The following PCDH15 variants were observed in gnomAD, a reference collection of about 807,000 sequenced individuals.
PCDH15 encodes the protein protocadherin related 15.
Under a neutral mutation model 178.5 loss-of-function variants are expected in PCDH15, and 129 were observed. That is an observed-to-expected ratio of 0.72 (90% CI 0.63 to 0.84). The LOEUF is 0.84. PCDH15 is among the 40% of genes least tolerant of loss of function. The pLI, the probability that PCDH15 is intolerant of heterozygous loss-of-function variation, is 0.00. For synonymous variants in PCDH15, 800 were observed against 732.0 expected (o/e 1.09, Z -1.50); for missense variants, 2,230 against 2,099.9 (o/e 1.06, Z -1.21).
intron 2 of PCDH15, among the ~76,000 whole-genome samples, chr10:55,502,657 C>T (rs1403773633): frequency 3.3e-5 from 5 of 151,556 alleles, no homozygotes; most frequent in African/African-American, 1.2e-4. Context: ...GAAATAATGC[C>T]TGGACTCTAT....
chr10:53,891,205 C>T (rs1011195095), intron 26 of PCDH15, among the ~76,000 whole-genome samples: 6 of 152,096 alleles, frequency 3.9e-5, no homozygotes, highest in Admixed American at 3.3e-4. Flanking sequence ...TTTTTATTTG[C>T]CCAATTTATC....
chr10:55,379,091 G>A (rs190476400), intron 2 of PCDH15, among the ~76,000 whole-genome samples: 1 of 151,314 alleles, frequency 6.6e-6, no homozygotes, highest in South Asian at 2.1e-4. Flanking sequence ...ACATCAGAAT[G>A]CCAGGCACAT....
At chr10:54,145,962 A>G (rs960214433) in intron 14 of PCDH15, among the ~76,000 whole-genome samples, 1 of 151,930 alleles carries the variant, frequency 6.6e-6, no homozygotes. Context: ...CCCAGGTAAA[A>G]CTGCACTTGT....
intron 1 of PCDH15, among the ~76,000 whole-genome samples, chr10:55,296,533 G>A (rs560753519): frequency 3.9e-5 from 6 of 152,228 alleles, no homozygotes; most frequent in Non-Finnish European, 7.4e-5. Context: ...AACCTGGGAC[G>A]AAGACCAAGT....
chr10:54,099,513 A>AAAAAAAAAT lies in PCDH15; in HGVS notation c.1918-9451_1918-9450insATTTTTTTT, dbSNP rs1347306483. 2.6e-3 allele frequency among the ~76,000 whole-genome samples: 311 copies of AAAAAAAAAT among 117,792 alleles called. 7 individuals carry two copies. The highest frequency in any genetic ancestry group is 0.01 in the African/African-American group (262 of 26,042). The allele number at this position is 117,792 out of a possible 152,430, so 77.3% of individuals were successfully genotyped here. A position where few individuals can be genotyped will look rare whatever the true frequency, so the allele number is the denominator to read the frequency against. On this transcript the variant is annotated intron_variant, in intron 15 of 37. Transcript: ENST00000644397. ...GACTCCATCTCAAAAAAAAAAAAAAAATATATATATATATATATAAAACAA... is the reference window on the plus strand; with the variant it reads ...GACTCCATCTCAAAAAAAAAAAAAAAAAAAAAAATATATATATATATATATATAAAACAA...
intron 2 of PCDH15, among the ~76,000 whole-genome samples, chr10:54,558,493 AAAT>A (rs1357351353): frequency 1.3e-5 from 2 of 152,086 alleles, no homozygotes; most frequent in Non-Finnish European, 2.9e-5. Context: ...TCCATACCTT[AAAT>A]GACTCAGTTT....
rs547096976 is a variant in PCDH15, at chr10:54,481,905, A to G, written c.157+45907T>C. Among the ~76,000 whole-genome samples the G allele has an allele frequency of 4.6e-5, 7 of 151,960 alleles. No individual in the cohort carries two copies. In the East Asian group the frequency reaches 1.4e-3, roughly 29 times the overall value. On this transcript the variant is annotated intron_variant, in intron 3 of 37. Coordinates refer to ENST00000644397, the MANE Select transcript of PCDH15 (RefSeq NM_001384140.1). ...CAATGTCCAAAGCAAGTCAGTCTGTATTGCATATATTCAGAGCTCCATCAA... is the reference window on the plus strand; with the variant it reads ...CAATGTCCAAAGCAAGTCAGTCTGTGTTGCATATATTCAGAGCTCCATCAA...
At chr10:53,809,809 C>G (rs10763008) in intron 37 of PCDH15, among the ~76,000 whole-genome samples, 2 of 151,444 alleles carry the variant, frequency 1.3e-5, no homozygotes, top group Admixed American at 1.3e-4. Flanking sequence ...TTTAATTTTC[C>G]TCTTAGATCA....
At chr10:53,825,185 A>AAAG (rs1186584339) in intron 32 of PCDH15, 2 of 1,517,634 alleles carry the variant, frequency 1.3e-6, no homozygotes, top group Non-Finnish European at 1.8e-6. Flanking sequence ...TGATAGAAAA[A>AAAG]AAGAAGTTTT....
At chr10:55,219,232 T>A (rs1391371546) in intron 1 of PCDH15, among the ~76,000 whole-genome samples, 1 of 151,956 alleles carries the variant, frequency 6.6e-6, no homozygotes, top group Non-Finnish European at 1.5e-5. Flanking sequence ...TCTCTATTTC[T>A]AACGTGGCTA....
intron 2 of PCDH15, among the ~76,000 whole-genome samples, chr10:55,396,771 A>G (rs1837939684): frequency 6.6e-6 from 1 of 152,310 alleles, no homozygotes; most frequent in Middle Eastern, 3.4e-3. Flanking sequence ...GTAAGTCAAA[A>G]TGGAGTATAG....
At chr10:53,867,895 C>T (rs187049419) in intron 26 of PCDH15, among the ~76,000 whole-genome samples, 5 of 152,020 alleles carry the variant, frequency 3.3e-5, no homozygotes, top group East Asian at 3.9e-4. Flanking sequence ...TCCTGTATCC[C>T]GATTAAACAT....
intron 2 of PCDH15, among the ~76,000 whole-genome samples, chr10:55,337,622 G>A (rs1006397404): frequency 1.3e-5 from 2 of 151,884 alleles, no homozygotes; most frequent in African/African-American, 2.4e-5. Flanking sequence ...CTTTGGATAG[G>A]GTAAAAAAAT....
In PCDH15 at chr10:54,585,016, T is replaced by G. The variant is rs190723296; in HGVS notation, c.92-57139A>C. Among the ~76,000 whole-genome samples the G allele has an allele frequency of 1.8e-3, 279 of 152,212 alleles. 1 individual carries two copies. The highest frequency in any genetic ancestry group is 6.6e-3 in the African/African-American group (274 of 41,554). On this transcript the variant is annotated intron_variant, in intron 2 of 37. Transcript: ENST00000644397. ...AGGTTTGCTTTCATTACATGAAAAT[T>G]TTACCAAATTGTACATATAAAGTCT...
chr10:53,850,025 C>T (rs115242177), intron 28 of PCDH15, among the ~76,000 whole-genome samples: 1,583 of 151,952 alleles, frequency 0.01, 38 homozygotes, highest in African/African-American at 0.036. Flanking sequence ...GATGATTAAT[C>T]CTTAAAGTAA....
chr10:55,365,205 C>A (rs1305125212), intron 2 of PCDH15, among the ~76,000 whole-genome samples: 1 of 152,098 alleles, frequency 6.6e-6, no homozygotes, highest in Non-Finnish European at 1.5e-5. Context: ...CCACCATGCA[C>A]CCCAGGGACA....
At chr10:54,224,519 T>A (rs1039130860) in intron 9 of PCDH15, among the ~76,000 whole-genome samples, 11 of 152,078 alleles carry the variant, frequency 7.2e-5, no homozygotes, top group Non-Finnish European at 1.6e-4. Flanking sequence ...AAGCTCTGGG[T>A]TTTATTTCTT....
intron 2 of PCDH15, among the ~76,000 whole-genome samples, chr10:54,972,394 G>C (rs1220251268): frequency 6.6e-6 from 1 of 151,856 alleles, no homozygotes; most frequent in Non-Finnish European, 1.5e-5. Context: ...ATGAAAATTA[G>C]CCAGGCATGG....
chr10:54,563,492 A>G (rs2088531793), intron 2 of PCDH15, among the ~76,000 whole-genome samples: 1 of 152,142 alleles, frequency 6.6e-6, no homozygotes, highest in Non-Finnish European at 1.5e-5. Flanking sequence ...AAATACATAG[A>G]CCATAAGATA....
Sources: allele counts gnomAD v4.1 joint callset (sites outside exome capture counted in the v4.1 genomes callset), GRCh38; gene constraint gnomAD v4.1.1; transcripts MANE v1.5; gene names NCBI Gene and HGNC (gene_info 2026-07-23, HGNC 2026-07-21).